The following CNTN5 variants were observed in gnomAD, a reference collection of about 807,000 sequenced individuals.
CNTN5 encodes the protein contactin-5.
A neutral mutation model predicts 129.1 loss-of-function variants in CNTN5; 77 were observed. That is an observed-to-expected ratio of 0.60 (90% confidence interval 0.50 to 0.72). The LOEUF (loss-of-function observed/expected upper bound fraction) is 0.72. CNTN5 is among the 30% of genes least tolerant of loss of function. The pLI is 0.00. For synonymous variants in CNTN5, 509 were observed against 465.6 expected (o/e 1.09, Z -1.20); for missense variants, 1,478 against 1,328.8 (o/e 1.11, Z -1.75).
At chr11:100,100,246 A>G (rs775889637) in intron 13 of CNTN5, among the ~76,000 whole-genome samples, 87 of 152,200 alleles carry the variant, frequency 5.7e-4, no homozygotes, top group Admixed American at 1.6e-3. Context: ...GTGTTTGTGT[A>G]TGTCATTTTT....
At chr11:99,684,880 TAATTGTTGGAAAAAAC>T (rs149048422) in intron 3 of CNTN5, among the ~76,000 whole-genome samples, 5,925 of 151,726 alleles carry the variant, frequency 0.039, 400 homozygotes, top group African/African-American at 0.13. Flanking sequence ...AAAATTTTAG[TAATTGTTGGAAAAAAC>T]AAATTTTTGC....
chr11:99,555,725 T>A (rs1948642375), intron 2 of CNTN5, among the ~76,000 whole-genome samples: 1 of 151,892 alleles, frequency 6.6e-6, no homozygotes, highest in African/African-American at 2.4e-5. Flanking sequence ...GTAAAATCAC[T>A]TGGCCAACCG....
chr11:99,217,415 T>C (rs1259806204), intron 1 of CNTN5, among the ~76,000 whole-genome samples: 1 of 152,154 alleles, frequency 6.6e-6, no homozygotes, highest in Non-Finnish European at 1.5e-5. Context: ...CTTGTATCCA[T>C]ATGATAGGCA....
At chr11:99,923,056 A>T (rs1949975921) in intron 7 of CNTN5, among the ~76,000 whole-genome samples, 1 of 152,216 alleles carries the variant, frequency 6.6e-6, no homozygotes. Flanking sequence ...GAGAATATTA[A>T]AAATTATTCA....
At chr11:99,823,997 C>G in intron 4 of CNTN5, among the ~76,000 whole-genome samples, 1 of 152,024 alleles carries the variant, frequency 6.6e-6, no homozygotes, top group South Asian at 2.1e-4. Context: ...ATCTTCAGTT[C>G]TAAGTTCATT....
intron 9 of CNTN5, among the ~76,000 whole-genome samples, chr11:100,002,849 CT>C (rs60287069): frequency 2.0e-5 from 3 of 150,686 alleles, no homozygotes; most frequent in African/African-American, 4.9e-5. Flanking sequence ...GTGTTGTTTT[CT>C]TTTTTTTTAG....
At chr11:100,164,056 G>C (rs2138375717) in intron 13 of CNTN5, among the ~76,000 whole-genome samples, 1 of 151,824 alleles carries the variant, frequency 6.6e-6, no homozygotes, top group Middle Eastern at 3.4e-3. Flanking sequence ...TTAAAAACTA[G>C]GACTAGCCTA....
Position 100,297,649 on chromosome 11 carries a change from T to C in CNTN5, c.2339T>C (p.Val780Ala). 1 of 1,606,642 alleles carries C rather than the reference T, an allele frequency of 6.2e-7. No individual in the cohort carries two copies. The highest frequency in any genetic ancestry group is 8.5e-7 in the Non-Finnish European group (1 of 1,175,648). ...GTTCCGAAGACAGCACCCACCAATGTAAGCGGAAGAAGTGGAAGAAGGCAT... is the reference window on the plus strand; with the variant it reads ...GTTCCGAAGACAGCACCCACCAATGCAAGCGGAAGAAGTGGAAGAAGGCAT... ...EAVPKTAPTN[V>A]SGRSGRRHEL... The change falls in exon 19 of 25, where the codon GTA becomes GCA. Residue 780 changes from valine (V) to alanine (A), a missense_variant. Physicochemically the swap from Val to Ala is moderately conservative, Grantham distance 64. Coordinates refer to ENST00000524871, the MANE Select transcript of CNTN5 (RefSeq NM_014361.4).
At chr11:99,026,126 AAATAC>A (rs1026624433) in intron 1 of CNTN5, among the ~76,000 whole-genome samples, 1 of 151,610 alleles carries the variant, frequency 6.6e-6, no homozygotes, top group African/African-American at 2.4e-5. Context: ...TGTTTTCTAA[AAATAC>A]ATTTTTATTT....
intron 17 of CNTN5, among the ~76,000 whole-genome samples, chr11:100,261,240 G>C (rs1950190659): frequency 6.6e-6 from 1 of 152,044 alleles, no homozygotes; most frequent in Non-Finnish European, 1.5e-5. Context: ...GAACTTACAA[G>C]GGATGTGAAG....
intron 1 of CNTN5, among the ~76,000 whole-genome samples, chr11:99,056,037 A>C (rs2135192105): frequency 6.6e-6 from 1 of 151,876 alleles, no homozygotes; most frequent in South Asian, 2.1e-4. Context: ...TCATTGCAGT[A>C]TTTTCCTGTT....
intron 13 of CNTN5, among the ~76,000 whole-genome samples, chr11:100,183,674 CAT>C (rs1342011100): frequency 1.3e-5 from 2 of 152,034 alleles, no homozygotes; most frequent in African/African-American, 4.8e-5. Context: ...GAGGGTGATG[CAT>C]ATGTTTATTA....
intron 3 of CNTN5, among the ~76,000 whole-genome samples, chr11:99,694,818 T>C (rs942270112): frequency 2.0e-5 from 3 of 152,072 alleles, no homozygotes; most frequent in Non-Finnish European, 4.4e-5. Flanking sequence ...GTATCTAATA[T>C]ATGTTAAACA....
chr11:99,267,921 CA>C (rs1249106855), intron 1 of CNTN5, among the ~76,000 whole-genome samples: 7 of 40,278 alleles, frequency 1.7e-4, no homozygotes, highest in Non-Finnish European at 1.9e-4. Flanking sequence ...CACACACACG[CA>C]CACACACACA....
chr11:100,299,524 CTT>C (rs1951173442), intron 20 of CNTN5, 128 bp downstream of exon 20: 1 of 556,170 alleles, frequency 1.8e-6, no homozygotes, highest in African/African-American at 2.0e-5. Flanking sequence ...TCTCACTAAA[CTT>C]TTTGGATATA....
intron 10 of CNTN5, among the ~76,000 whole-genome samples, chr11:100,070,075 C>T (rs1290526379): frequency 6.6e-6 from 1 of 151,264 alleles, no homozygotes; most frequent in African/African-American, 2.4e-5. Flanking sequence ...TAATGCTGCC[C>T]CACTACATTG....
At chr11:99,522,901 A>G (rs1348260698) in intron 2 of CNTN5, among the ~76,000 whole-genome samples, 1 of 152,084 alleles carries the variant, frequency 6.6e-6, no homozygotes, top group Non-Finnish European at 1.5e-5. Context: ...CATCCTTCCA[A>G]ACAAATTTGA....
intron 7 of CNTN5, among the ~76,000 whole-genome samples, chr11:99,948,887 C>T (rs1013706310): frequency 6.6e-6 from 1 of 152,178 alleles, no homozygotes; most frequent in Non-Finnish European, 1.5e-5. Context: ...CCTGGAAAAT[C>T]GTGCTTCCTG....
At chr11:99,057,283 ACT>A (rs1440827950) in intron 1 of CNTN5, among the ~76,000 whole-genome samples, 1 of 151,854 alleles carries the variant, frequency 6.6e-6, no homozygotes, top group Admixed American at 6.6e-5. Context: ...GTGTTTCTGA[ACT>A]CTGTCTACTA....
Sources: gnomAD v4.1 joint callset for allele counts (sites outside exome capture counted in the v4.1 genomes callset) on GRCh38, gnomAD v4.1.1 for gene constraint, MANE v1.5 for transcripts, NCBI Gene and HGNC (gene_info 2026-07-23, HGNC 2026-07-21) for gene names.